Variants in MTUS1 observed in about 807,000 individuals in gnomAD.
MTUS1 encodes microtubule-associated tumor suppressor 1.
In MTUS1, 109 loss-of-function variants were observed where a neutral mutation model predicts 120.8. That is an observed-to-expected ratio of 0.90 (90% CI 0.77 to 1.06). The LOEUF is 1.06. Ranked by LOEUF, MTUS1 falls within the 50% of genes least tolerant of loss-of-function variation. MTUS1 has a pLI of 0.00. For missense variants in MTUS1, 2,210 were observed against 1,486.3 expected (o/e 1.49, Z -8.01); for synonymous variants, 737 against 550.5 (o/e 1.34, Z -4.74).
At chr8:17,730,035 G>C (rs146445139) in intron 3 of MTUS1, among the ~76,000 whole-genome samples, 5 of 150,168 alleles carry the variant, frequency 3.3e-5, no homozygotes, top group African/African-American at 1.2e-4. Context: ...GTGTTGGCAA[G>C]GACACGGAGA....
chr8:17,790,522 T>C (rs1184313301), intron 1 of MTUS1, among the ~76,000 whole-genome samples: 1 of 152,180 alleles, frequency 6.6e-6, no homozygotes, highest in Non-Finnish European at 1.5e-5. Flanking sequence ...TAAAGTCCTA[T>C]GTAAGTGGAA....
chr8:17,770,198 G>C (rs570467427), intron 1 of MTUS1, among the ~76,000 whole-genome samples: 2 of 152,164 alleles, frequency 1.3e-5, no homozygotes, highest in Non-Finnish European at 1.5e-5. Context: ...TTTACAAAAA[G>C]TACATAAGGG....
intron 6 of MTUS1, chr8:17,697,858 T>G (rs567095148): frequency 1.5e-4 from 52 of 344,366 alleles, no homozygotes; most frequent in African/African-American, 1.1e-3. Flanking sequence ...AAATTAGGAT[T>G]TCCTGAAAGT....
At chr8:17,696,513 C>T (rs1180692462) in intron 6 of MTUS1, among the ~76,000 whole-genome samples, 2 of 152,158 alleles carry the variant, frequency 1.3e-5, no homozygotes, top group Non-Finnish European at 2.9e-5. Context: ...CAGAATAAAA[C>T]TGATTTAATT....
chr8:17,749,969 C>T (rs2048063645), intron 2 of MTUS1, among the ~76,000 whole-genome samples: 1 of 152,108 alleles, frequency 6.6e-6, no homozygotes. Flanking sequence ...CAAAGAACAA[C>T]TGAGCTCAAT....
intron 4 of MTUS1, chr8:17,722,262 C>T (rs2045902600): frequency 3.0e-6 from 3 of 991,656 alleles, no homozygotes; most frequent in Non-Finnish European, 3.6e-6. Flanking sequence ...ATGGAAAACA[C>T]GGGGCTGTGG....
intron 8 of MTUS1, chr8:17,674,902 C>T: frequency 8.2e-7 from 1 of 1,224,790 alleles, no homozygotes; most frequent in Non-Finnish European, 1.0e-6. Flanking sequence ...GGAATTCACA[C>T]AATTACAAAA....
chr8:17,728,277 A>G (rs1044111040), intron 3 of MTUS1, among the ~76,000 whole-genome samples: 5 of 152,122 alleles, frequency 3.3e-5, no homozygotes, highest in African/African-American at 1.2e-4. Context: ...ACACCCGGCT[A>G]ATTTTTTTGT....
intron 6 of MTUS1, among the ~76,000 whole-genome samples, chr8:17,693,897 G>T (rs767656931): frequency 6.6e-6 from 1 of 152,176 alleles, no homozygotes; most frequent in Non-Finnish European, 1.5e-5. Flanking sequence ...TTTATGAAAC[G>T]AATGAATTAA....
chr8:17,757,322 A>T (rs1310104158), intron 1 of MTUS1, among the ~76,000 whole-genome samples: 1 of 152,222 alleles, frequency 6.6e-6, no homozygotes, highest in Non-Finnish European at 1.5e-5. Flanking sequence ...ATACTATATG[A>T]CACTATTTAC....
intron 8 of MTUS1, among the ~76,000 whole-genome samples, chr8:17,674,281 G>A (rs1812614287): frequency 6.6e-6 from 1 of 152,098 alleles, no homozygotes; most frequent in Non-Finnish European, 1.5e-5. Context: ...TTAGCTGGGT[G>A]TGGTGGTGTG....
At chr8:17,721,589 A>C in intron 4 of MTUS1, 1 of 1,224,166 alleles carries the variant, frequency 8.2e-7, no homozygotes, top group Non-Finnish European at 1.1e-6. Flanking sequence ...AAATGCCCCC[A>C]AATACTACCA....
chr8:17,796,137 G>C (rs558398595), intron 1 of MTUS1, among the ~76,000 whole-genome samples: 1 of 138,800 alleles, frequency 7.2e-6, no homozygotes, highest in Non-Finnish European at 1.6e-5. Flanking sequence ...TTTTAGTAGA[G>C]ATGGGGTTTC....
intron 8 of MTUS1, chr8:17,674,539 C>T: frequency 4.1e-6 from 4 of 985,806 alleles, no homozygotes; most frequent in Non-Finnish European, 4.8e-6. Context: ...ACAGCGTAGC[C>T]TGGAAACTGG....
intron 2 of MTUS1, among the ~76,000 whole-genome samples, chr8:17,745,569 C>G (rs1367178886): frequency 6.6e-6 from 1 of 152,176 alleles, no homozygotes; most frequent in African/African-American, 2.4e-5. Context: ...AATTAAAACT[C>G]TTCACAGCTT....
chr8:17,668,975 T>G (rs1362785234), intron 8 of MTUS1, among the ~76,000 whole-genome samples: 2 of 152,222 alleles, frequency 1.3e-5, no homozygotes, highest in Admixed American at 1.3e-4. Context: ...GAAAACTACC[T>G]TTCCCTAGCT....
At chr8:17,748,067 G>A (rs1281823056) in intron 2 of MTUS1, 1 of 152,100 alleles carries the variant, frequency 6.6e-6, no homozygotes, top group African/African-American at 2.4e-5. Flanking sequence ...ACAAGATTTG[G>A]GTGGGGACAC....
intron 7 of MTUS1, among the ~76,000 whole-genome samples, chr8:17,683,126 G>T (rs1814952576): frequency 1.3e-5 from 2 of 152,218 alleles, no homozygotes; most frequent in African/African-American, 4.8e-5. Context: ...CAAAAAACTA[G>T]CCGGGCGTGG....
chr8:17,742,299 T>G (rs1177704925), intron 3 of MTUS1, among the ~76,000 whole-genome samples: 2 of 144,340 alleles, frequency 1.4e-5, no homozygotes, highest in Admixed American at 6.8e-5. Context: ...TTGTTTTTTT[T>G]TTTTTTTTTT....
Sources: allele counts gnomAD v4.1 joint callset (sites outside exome capture counted in the v4.1 genomes callset), GRCh38; gene constraint gnomAD v4.1.1; transcripts MANE v1.5; gene names NCBI Gene and HGNC (gene_info 2026-07-23, HGNC 2026-07-21).